Variants in SNAP47 observed in about 807,000 individuals in gnomAD.
SNAP47 encodes the protein synaptosome associated protein 47, also known as synaptosomal-associated protein 47.
In SNAP47, 20 loss-of-function variants were observed where a neutral mutation model predicts 31.4. The observed-to-expected ratio is 0.64, with a 90% CI of 0.45 to 0.93. The LOEUF is 0.93. Ranked by LOEUF, SNAP47 falls within the 40% of genes least tolerant of loss-of-function variation. The pLI, the probability that SNAP47 is intolerant of heterozygous loss-of-function variation, is 0.00. For missense variants in SNAP47, 492 were observed against 528.5 expected (o/e 0.93, Z 0.68); for synonymous variants, 194 against 213.4 (o/e 0.91, Z 0.79).
At chr1:227,746,234 C>T (rs1452500982) in intron 1 of SNAP47, 2 of 152,256 alleles carry the variant, frequency 1.3e-5, no homozygotes, top group African/African-American at 4.8e-5. Flanking sequence ...TGCCATGCCC[C>T]AGAAGGAGGA....
intron 3 of SNAP47, among the ~76,000 whole-genome samples, chr1:227,764,634 G>C (rs535591297): frequency 1.9e-4 from 29 of 152,274 alleles, no homozygotes; most frequent in South Asian, 8.3e-4. Context: ...AGCCAGGCGC[G>C]GTGGCTCACA....
chr1:227,728,814 A>G lies in SNAP47; in HGVS notation c.-95+28A>G, dbSNP rs1490793332. 2.6e-5 allele frequency: 4 copies of G among 152,306 alleles called. No homozygotes were observed. The East Asian group carries it at 7.8e-4, about 30-fold the overall frequency. 9.4% of individuals were successfully genotyped at this position (152,306 alleles called of 1,614,324 possible). On this transcript the variant is annotated intron_variant, in intron 1 of 3. Transcript: ENST00000366760. ...AATACCCAAGACCCCGATTCCCGAC[A>G]GGAGAGGCGAGGGGAACGGTCTCGG...
chr1:227,745,543 C>T (rs531820762), intron 1 of SNAP47, among the ~76,000 whole-genome samples: 3 of 152,158 alleles, frequency 2.0e-5, no homozygotes, highest in Non-Finnish European at 2.9e-5. Context: ...AGTGGCCTTG[C>T]AGATGTCATA....
intron 2 of SNAP47, among the ~76,000 whole-genome samples, chr1:227,756,803 T>G (rs935890304): frequency 6.6e-6 from 1 of 152,370 alleles, no homozygotes; most frequent in East Asian, 1.9e-4. Context: ...CAAGTTACCG[T>G]GCACAGCACC....
intron 4 of SNAP47, chr1:227,776,107 G>A: frequency 6.0e-6 from 7 of 1,172,468 alleles, no homozygotes; most frequent in Non-Finnish European, 7.5e-6. Context: ...GAGTCACCCA[G>A]GGCTGCTCCC....
At chr1:227,735,677 G>A (rs1243282200) in intron 1 of SNAP47, 178 bp downstream of exon 1, 1 of 984,850 alleles carries the variant, frequency 1.0e-6, no homozygotes, top group Non-Finnish European at 1.2e-6. Flanking sequence ...GGTTCTGGGG[G>A]CGGGAGTGCG....
At chr1:227,760,218 C>T (rs1211915482) in intron 3 of SNAP47, among the ~76,000 whole-genome samples, 3 of 152,236 alleles carry the variant, frequency 2.0e-5, no homozygotes, top group Non-Finnish European at 2.9e-5. Context: ...TCTGTCATCT[C>T]CCCTCATTTT....
At chr1:227,775,362 G>A (rs1664092140) in intron 4 of SNAP47, among the ~76,000 whole-genome samples, 4 of 152,236 alleles carry the variant, frequency 2.6e-5, no homozygotes, top group African/African-American at 9.6e-5. Context: ...CTCACTGCAA[G>A]AAAATTCACA....
rs571534675 is a variant in SNAP47, at chr1:227,741,171, C to T, written c.-46+5672C>T. Among the ~76,000 whole-genome samples, 9 of 152,082 alleles carry T rather than the reference C, an allele frequency of 5.9e-5. No individual in the cohort carries two copies. The highest frequency in any genetic ancestry group is 1.2e-4 in the Non-Finnish European group (8 of 68,006). On this transcript the variant is annotated intron_variant, in intron 1 of 4. Coordinates refer to ENST00000617596, the MANE Select transcript of SNAP47 (RefSeq NM_053052.4). This position sits in a 1 kb window ranked among gnomAD's most constrained non-coding sequence, Gnocchi z 4.2. ...AGTGATCAGATGTCCAAGTTTGAAG[C>T]GTGAGGGAGTCTGGCTGGAGTGGGT...
chr1:227,743,350 G>A (rs766427748), intron 1 of SNAP47, among the ~76,000 whole-genome samples: 2 of 152,170 alleles, frequency 1.3e-5, no homozygotes, highest in South Asian at 4.1e-4. Context: ...GGGAGAGTGC[G>A]AGGTGCTTTG....
chr1:227,767,487 A>G (rs1384604736), intron 4 of SNAP47, among the ~76,000 whole-genome samples: 1 of 152,008 alleles, frequency 6.6e-6, no homozygotes, highest in Non-Finnish European at 1.5e-5. Context: ...ATGTGTACAT[A>G]TGTTATGCAT....
chr1:227,750,788 C>T (rs990031567), intron 2 of SNAP47, among the ~76,000 whole-genome samples: 1 of 152,202 alleles, frequency 6.6e-6, no homozygotes, highest in Admixed American at 6.5e-5. Context: ...GTGTCATCCT[C>T]CTCCCAGTCA....
chr1:227,747,566 C>G, intron 1 of SNAP47, 126 bp from the exon 2 acceptor site: 2 of 926,258 alleles, frequency 2.2e-6, no homozygotes, highest in Non-Finnish European at 3.3e-6. Flanking sequence ...ACAGGTGGAT[C>G]GAGAGTCAGC....
At chr1:227,760,202 G>A (rs1662975272) in intron 3 of SNAP47, among the ~76,000 whole-genome samples, 1 of 152,224 alleles carries the variant, frequency 6.6e-6, no homozygotes. Flanking sequence ...AGCTCCTGCT[G>A]TTGTCTCTGT....
At chr1:227,754,124 C>T (rs1341206309) in intron 2 of SNAP47, among the ~76,000 whole-genome samples, 1 of 152,218 alleles carries the variant, frequency 6.6e-6, no homozygotes, top group African/African-American at 2.4e-5. Context: ...TGGGGAAGCC[C>T]GAAGGGAGAT....
At chr1:227,771,492 C>T (rs1038416435) in intron 4 of SNAP47, among the ~76,000 whole-genome samples, 1 of 152,082 alleles carries the variant, frequency 6.6e-6, no homozygotes, top group Non-Finnish European at 1.5e-5. Context: ...GTGTGGGGGC[C>T]CTGCATGCAC....
upstream of SNAP47, chr1:227,733,531 G>C: frequency 6.2e-7 from 1 of 1,602,348 alleles, no homozygotes; most frequent in Non-Finnish European, 8.5e-7. Flanking sequence ...GTGTGTCGCA[G>C]AGTGCTGGGG....
At chr1:227,775,066 G>A (rs964703498) in intron 4 of SNAP47, among the ~76,000 whole-genome samples, 1 of 152,238 alleles carries the variant, frequency 6.6e-6, no homozygotes, top group Non-Finnish European at 1.5e-5. Context: ...GGCGTCCTGA[G>A]GAGGGGGGCC....
intron 3 of SNAP47, among the ~76,000 whole-genome samples, chr1:227,764,035 C>A (rs1663232789): frequency 6.6e-6 from 1 of 152,194 alleles, no homozygotes; most frequent in African/African-American, 2.4e-5. Flanking sequence ...GCTTCCTGCA[C>A]CCCCAGGCCA....
Sources: gnomAD v4.1 joint callset for allele counts (sites outside exome capture counted in the v4.1 genomes callset) on GRCh38, gnomAD v4.1.1 for gene constraint, Gnocchi (gnomAD v3.1) non-coding constraint, MANE v1.5 for transcripts, NCBI Gene and HGNC (gene_info 2026-07-23, HGNC 2026-07-21) for gene names.